Variants in FAM13B observed in about 807,000 individuals in gnomAD.
The protein encoded by FAM13B is protein FAM13B.
In FAM13B, 60 loss-of-function variants were observed where a neutral mutation model predicts 117.3. That is an observed-to-expected ratio of 0.51 (90% CI 0.42 to 0.63). FAM13B has a LOEUF of 0.63. Among genes scored for constraint, FAM13B ranks in the 30% least tolerant of loss-of-function variants. FAM13B has a pLI of 0.00. For missense variants in FAM13B, 972 were observed against 1,091.9 expected, an observed-to-expected ratio of 0.89 and a Z score of 1.55; for synonymous variants, 332 against 356.1, an observed-to-expected ratio of 0.93 and a Z score of 0.76.
At chr5:138,002,622 T>C (rs1489376971) in intron 7 of FAM13B, among the ~76,000 whole-genome samples, 2 of 151,036 alleles carry the variant, frequency 1.3e-5, no homozygotes, top group African/African-American at 2.4e-5. Flanking sequence ...AAAACCCTAA[T>C]CATTCTTTCT....
intron 4 of FAM13B, among the ~76,000 whole-genome samples, chr5:138,014,015 C>G (rs112434175): frequency 0.051 from 7,691 of 152,250 alleles, 265 homozygotes; most frequent in Middle Eastern, 0.085. Flanking sequence ...AGGCCCACCA[C>G]AGCCTCAACC....
intron 13 of FAM13B, among the ~76,000 whole-genome samples, chr5:137,958,762 G>C (rs1767282703): frequency 6.6e-6 from 1 of 152,124 alleles, no homozygotes; most frequent in Admixed American, 6.5e-5. Context: ...CAAATACATA[G>C]CAAAATTGAA....
chr5:138,029,156 T>G (rs1789240048), intron 1 of FAM13B, among the ~76,000 whole-genome samples: 2 of 152,124 alleles, frequency 1.3e-5, no homozygotes, highest in Admixed American at 1.3e-4. Flanking sequence ...CCTCCAACCA[T>G]CCGGTGAAAT....
rs377038318 is a variant in FAM13B, at chr5:137,941,981, G to A, written c.2653C>T (p.Arg885Trp). ...TGATAAAATGCTTCTTCAAATTCCC[G>A]CAACGTTTTGCGTAGTTTCTTTTTT... ...AEKKKLRKTL[R>W]EFEEAFYQQN... is the part of the protein sequence containing the mutation. Residue 885 changes from arginine to tryptophan, a missense_variant, in exon 23 of 24, where the codon CGG becomes TGG. Arg to Trp is a moderately radical substitution (Grantham distance 101). Transcript: ENST00000689681. The A allele has an allele frequency of 3.1e-6, 5 of 1,613,898 alleles. No homozygotes were observed. The African/African-American group carries it at 4.0e-5, about 13-fold the overall frequency.
intron 4 of FAM13B, among the ~76,000 whole-genome samples, 173 bp downstream of exon 4, chr5:138,018,129 C>T (rs947805863): frequency 3.9e-5 from 6 of 152,138 alleles, no homozygotes; most frequent in African/African-American, 1.4e-4. Flanking sequence ...CTAGAGGGAT[C>T]CCGGAAGTTG....
At chr5:137,997,294 C>T (rs1017053920) in intron 7 of FAM13B, among the ~76,000 whole-genome samples, 1 of 151,946 alleles carries the variant, frequency 6.6e-6, no homozygotes, top group Non-Finnish European at 1.5e-5. Context: ...ATGGTGAAAC[C>T]CCATCTCTAC....
rs570503101 is a variant in FAM13B, at chr5:137,948,879, CTACCCTGCTATAGTAATTATTT to C, written c.2160+54_2160+75del. On this transcript the variant is annotated intron_variant, in intron 18 of 23. Transcript: ENST00000689681. Reference sequence around the variant, plus strand: ...GGAAAATCAGACTACCTAGACATCTCTACCCTGCTATAGTAATTATTTTGTTTCAGGAATTCTAAAGGCTAAT... The same window carrying C: ...GGAAAATCAGACTACCTAGACATCTCTGTTTCAGGAATTCTAAAGGCTAAT... 1,057 of 1,133,348 alleles carry C rather than the reference CTACCCTGCTATAGTAATTATTT, an allele frequency of 9.3e-4. 6 individuals carry two copies. The Middle Eastern group carries it at 0.027, about 29-fold the overall frequency. The allele number at this position is 1,133,348 out of a possible 1,614,324, so 70.2% of individuals were successfully genotyped here. A position where few individuals can be genotyped will look rare whatever the true frequency, so the allele number is the denominator to read the frequency against.
At chr5:137,969,646 A>G (rs1771383781) in intron 10 of FAM13B, among the ~76,000 whole-genome samples, 1 of 152,256 alleles carries the variant, frequency 6.6e-6, no homozygotes, top group Non-Finnish European at 1.5e-5. Flanking sequence ...AAGGCTTCAG[A>G]CGATCAAACT....
chr5:138,002,838 T>TA (rs1418935256), intron 7 of FAM13B, among the ~76,000 whole-genome samples: 3 of 150,838 alleles, frequency 2.0e-5, no homozygotes, highest in Admixed American at 6.6e-5. Context: ...GCTAATTTTT[T>TA]TTTTTTTTTG....
chr5:138,051,612 T>C (rs908561615), intron 1 of FAM13B, among the ~76,000 whole-genome samples: 2 of 152,224 alleles, frequency 1.3e-5, no homozygotes, highest in African/African-American at 4.8e-5. Context: ...TTGCCTGTTT[T>C]TCTGATTGCA....
At chr5:137,999,102 G>A (rs12516717) in intron 7 of FAM13B, among the ~76,000 whole-genome samples, 21,305 of 149,162 alleles carry the variant, frequency 0.14, 1,925 homozygotes, top group East Asian at 0.35. Flanking sequence ...TGCCTTCAGG[G>A]TCTTTTTTTT....
chr5:137,980,257 C>A (rs1195076106), intron 10 of FAM13B, among the ~76,000 whole-genome samples: 4 of 151,480 alleles, frequency 2.6e-5, no homozygotes, highest in African/African-American at 7.3e-5. Flanking sequence ...TTGTGTATTG[C>A]CCAACTGAAC....
intron 7 of FAM13B, among the ~76,000 whole-genome samples, chr5:137,994,267 T>C (rs182916492): frequency 2.7e-5 from 4 of 149,324 alleles, no homozygotes; most frequent in Non-Finnish European, 4.4e-5. Context: ...ATCAAATAAA[T>C]AGATTTTCTA....
chr5:137,961,411 G>A (rs548487264), intron 11 of FAM13B, among the ~76,000 whole-genome samples: 7 of 152,202 alleles, frequency 4.6e-5, no homozygotes, highest in South Asian at 2.1e-4. Context: ...TATTCTGGGG[G>A]TGCCTGTTAA....
intron 7 of FAM13B, 48 bp from the exon 8 acceptor site, chr5:137,988,363 A>T: frequency 6.8e-7 from 1 of 1,471,004 alleles, no homozygotes; most frequent in Non-Finnish European, 9.2e-7. Flanking sequence ...AATACTTAAT[A>T]ACTACAAAAT....
intron 1 of FAM13B, among the ~76,000 whole-genome samples, chr5:138,029,130 C>CA (rs1202304959): frequency 2.0e-5 from 3 of 152,196 alleles, no homozygotes; most frequent in Non-Finnish European, 4.4e-5. Context: ...CTTTCCAGTT[C>CA]ACTCTCCAAC....
rs546015116 is a variant in FAM13B, at chr5:137,995,959, G to A, written c.849-7644C>T. Among the ~76,000 whole-genome samples the A allele has an allele frequency of 2.0e-5, 3 of 152,044 alleles. No individual in the cohort carries two copies. The East Asian group carries it at 5.8e-4, about 29-fold the overall frequency. ...TATGACTTCCTTTTTACACTCAAGT[G>A]GAACCTGGATATTGAAAATGTGAAC... is the stretch of plus-strand genomic sequence containing the variant. On this transcript the variant is annotated intron_variant, in intron 7 of 23. Transcript: ENST00000689681.
intron 1 of FAM13B, among the ~76,000 whole-genome samples, chr5:138,024,812 CAGAG>C (rs4033316): frequency 0.45 from 64,379 of 144,070 alleles, 14,825 homozygotes; most frequent in Middle Eastern, 0.59. Flanking sequence ...CACACACACA[CAGAG>C]AGAGAGAGAG....
intron 6 of FAM13B, 143 bp from the exon 7 acceptor site, chr5:138,007,290 A>T: frequency 1.7e-6 from 1 of 601,540 alleles, no homozygotes; most frequent in Non-Finnish European, 2.7e-6. Context: ...TTATGGAGTA[A>T]GTAACTGTCA....
Sources: gnomAD v4.1 joint callset for allele counts (sites outside exome capture counted in the v4.1 genomes callset) on GRCh38, gnomAD v4.1.1 for gene constraint, MANE v1.5 for transcripts, NCBI Gene and HGNC (gene_info 2026-07-23, HGNC 2026-07-21) for gene names.